Variants in PSD3 observed in about 807,000 individuals in gnomAD.
PSD3 encodes the protein pleckstrin and Sec7 domain containing 3.
Under a neutral mutation model 105.5 loss-of-function variants are expected in PSD3, and 49 were observed. That is an observed-to-expected ratio of 0.46 (90% CI 0.37 to 0.59). The LOEUF (loss-of-function observed/expected upper bound fraction) is 0.59. PSD3 is among the 20% of genes least tolerant of loss of function. The pLI, the probability that PSD3 is intolerant of heterozygous loss-of-function variation, is 0.00. For missense variants in PSD3, 1,561 were observed against 1,263.8 expected, an observed-to-expected ratio of 1.24 and a Z score of -3.57; for synonymous variants, 557 against 457.8, an observed-to-expected ratio of 1.22 and a Z score of -2.77.
At chr8:18,734,825 G>C (rs922175498) in intron 9 of PSD3, among the ~76,000 whole-genome samples, 1 of 152,036 alleles carries the variant, frequency 6.6e-6, no homozygotes, top group Non-Finnish European at 1.5e-5. Context: ...TGTTTTGTAA[G>C]GTGTTAAATC....
At chr8:18,705,132 G>A (rs1469064941) in intron 9 of PSD3, among the ~76,000 whole-genome samples, 2 of 152,116 alleles carry the variant, frequency 1.3e-5, no homozygotes, top group Admixed American at 1.3e-4. Flanking sequence ...AAAAACATCT[G>A]CATTCATTCT....
intron 15 of PSD3, 151 bp from the exon 16 acceptor site, chr8:18,536,109 T>C: frequency 2.8e-6 from 2 of 702,232 alleles, no homozygotes; most frequent in East Asian, 2.7e-5. Flanking sequence ...GGGCACTTAC[T>C]GGGCACATGA....
At chr8:18,824,521 A>T (rs961773832) in intron 4 of PSD3, among the ~76,000 whole-genome samples, 5 of 152,238 alleles carry the variant, frequency 3.3e-5, no homozygotes, top group African/African-American at 1.2e-4. Context: ...ACTCAAAATT[A>T]GGTATTAGTC....
At chr8:19,022,624 G>A (rs931630877) in intron 1 of PSD3, among the ~76,000 whole-genome samples, 14 of 152,140 alleles carry the variant, frequency 9.2e-5, no homozygotes, top group African/African-American at 3.1e-4. Context: ...GAGCATGAGC[G>A]AGGCCACCAT....
chr8:18,827,619 G>C (rs6993118), intron 4 of PSD3, among the ~76,000 whole-genome samples: 1 of 152,158 alleles, frequency 6.6e-6, no homozygotes, highest in East Asian at 1.9e-4. Flanking sequence ...AGTGCTATGA[G>C]AGTGTTTTTT....
At chr8:18,898,133 G>C (rs1026589793) in intron 2 of PSD3, among the ~76,000 whole-genome samples, 10 of 152,158 alleles carry the variant, frequency 6.6e-5, no homozygotes, top group African/African-American at 2.4e-4. Context: ...TTTGATTAAA[G>C]TGCAGTTTAA....
At chr8:18,622,310 C>A (rs1015062642) in intron 11 of PSD3, among the ~76,000 whole-genome samples, 1 of 152,188 alleles carries the variant, frequency 6.6e-6, no homozygotes, top group Non-Finnish European at 1.5e-5. Context: ...CTCCTCTGTT[C>A]CCATTTTACA....
chr8:18,648,711 G>T (rs546108977), intron 10 of PSD3, among the ~76,000 whole-genome samples: 5 of 152,298 alleles, frequency 3.3e-5, no homozygotes, highest in South Asian at 4.2e-4. Context: ...CTTTGCAGCA[G>T]CCCCTCCTAT....
At chr8:18,980,175 T>G (rs1474339599) in intron 1 of PSD3, among the ~76,000 whole-genome samples, 36 of 152,352 alleles carry the variant, frequency 2.4e-4, no homozygotes, top group African/African-American at 8.4e-4. Context: ...ACGAGGTATG[T>G]GAGTGAGACT....
chr8:18,574,902 G>T (rs1802377250), intron 13 of PSD3, among the ~76,000 whole-genome samples: 1 of 152,066 alleles, frequency 6.6e-6, no homozygotes. Flanking sequence ...GTAAGTGGCT[G>T]ACTAAAAGTC....
At chr8:18,798,027 T>C (rs1168301218) in intron 8 of PSD3, among the ~76,000 whole-genome samples, 1 of 152,096 alleles carries the variant, frequency 6.6e-6, no homozygotes, top group Non-Finnish European at 1.5e-5. Context: ...CAGTGAAAAC[T>C]TGCTTGGCCA....
rs1158939331 is a variant in PSD3 at position 18,872,723 on chromosome 8, T to TGTGAAGAGAACA, written c.140_141insTGTTCTCTTCAC (p.Gly47_Gly48insValLeuPheThr). 2.6e-6 allele frequency: 4 copies of TGTGAAGAGAACA among 1,558,138 alleles called. No individual in the cohort carries two copies. The African/African-American group carries it at 5.5e-5, about 21-fold the overall frequency. Reference sequence around the variant, plus strand: ...CATTTGGTGGGAGTAAAGTGCTTCCTCCATGATCACCTGTGAAGAGAACAC... The same window carrying TGTGAAGAGAACA: ...CATTTGGTGGGAGTAAAGTGCTTCCTGTGAAGAGAACACCATGATCACCTGTGAAGAGAACAC... On this transcript the variant is annotated inframe_insertion, in exon 3 of 16. Transcript: ENST00000327040.
intron 12 of PSD3, among the ~76,000 whole-genome samples, chr8:18,595,456 G>GAC (rs1315035819): frequency 1.4e-5 from 2 of 142,476 alleles, no homozygotes; most frequent in Admixed American, 7.1e-5. Context: ...GAGAGAGACA[G>GAC]AGAGACAGAG....
intron 1 of PSD3, among the ~76,000 whole-genome samples, chr8:19,047,837 AGCCTGTTGCAGT>A (rs1828379817): frequency 6.6e-6 from 1 of 152,116 alleles, no homozygotes; most frequent in African/African-American, 2.4e-5. Context: ...ACTGCACGGG[AGCCTGTTGCAGT>A]GGCCAGGTGG....
At chr8:18,564,026 T>A (rs1401632706) in intron 14 of PSD3, among the ~76,000 whole-genome samples, 1 of 152,104 alleles carries the variant, frequency 6.6e-6, no homozygotes, top group African/African-American at 2.4e-5. Context: ...CCCCTGCATG[T>A]CTAACAGTGC....
intron 8 of PSD3, among the ~76,000 whole-genome samples, chr8:18,790,995 T>C (rs896191418): frequency 2.0e-5 from 3 of 151,908 alleles, no homozygotes; most frequent in Non-Finnish European, 2.9e-5. Flanking sequence ...AAGAATAACA[T>C]ACCTAGGAAT....
chr8:18,543,248 G>A (rs1390757321), intron 15 of PSD3, among the ~76,000 whole-genome samples: 1 of 151,602 alleles, frequency 6.6e-6, no homozygotes, highest in African/African-American at 2.4e-5. Context: ...TTTCTTCAGT[G>A]TGTAACCCCT....
intron 10 of PSD3, among the ~76,000 whole-genome samples, chr8:18,653,400 C>G (rs1022988180): frequency 1.3e-5 from 2 of 151,580 alleles, no homozygotes; most frequent in African/African-American, 2.4e-5. Flanking sequence ...GCTTTGAAAG[C>G]TACAGCATCA....
At chr8:18,949,234 AAAAAAAAAAAATAT>A (rs1375751743) in intron 1 of PSD3, among the ~76,000 whole-genome samples, 2 of 56,718 alleles carry the variant, frequency 3.5e-5, no homozygotes, top group Non-Finnish European at 7.7e-5. Flanking sequence ...AAAAAAAAAA[AAAAAAAAAAAATAT>A]ATATATATAT....
Sources: allele counts gnomAD v4.1 joint callset (sites outside exome capture counted in the v4.1 genomes callset), GRCh38; gene constraint gnomAD v4.1.1; transcripts MANE v1.5; gene names NCBI Gene and HGNC (gene_info 2026-07-23, HGNC 2026-07-21).